Variants in PCDHA7 observed in about 807,000 individuals in gnomAD.
PCDHA7 encodes the protein protocadherin alpha 7.
In PCDHA7, 37 loss-of-function variants were observed where a neutral mutation model predicts 57.2. The ratio of observed to expected loss-of-function variants is 0.65; its 90% CI spans 0.50 to 0.85. The LOEUF (loss-of-function observed/expected upper bound fraction) is 0.85, where lower values mean the gene tolerates loss of function less well. Among genes scored for constraint, PCDHA7 ranks in the 40% least tolerant of loss-of-function variants. PCDHA7 has a pLI of 0.00. For synonymous variants in PCDHA7, 553 were observed against 558.8 expected (o/e 0.99, Z 0.15); for missense variants, 1,188 against 1,241.8 (o/e 0.96, Z 0.65).
In PCDHA7 at chr5:140,982,563, G is replaced by C; in HGVS notation, c.2503G>C (p.Glu835Gln). 3 of 1,614,072 alleles carry C rather than the reference G, an allele frequency of 1.9e-6. No homozygotes were observed. The highest frequency in any genetic ancestry group is 2.5e-6 in the Non-Finnish European group (3 of 1,179,960). The change falls in exon 3 of 4, where the codon GAA (glutamate) becomes CAA (glutamine). Residue 835 changes from glutamate (E) to glutamine (Q), a missense_variant and splice_region_variant. By Grantham distance (29) the Glu-to-Gln change is conservative (BLOSUM62 2). Transcript: ENST00000525929. Reference protein sequence around the residue: ...QWPTVSSATPEPEAGEVSPPV... With the variant: ...QWPTVSSATPQPEAGEVSPPV... Reference sequence around the variant, plus strand: ...GCCAACAGTATCCAGTGCAACACCAGGTAAAGAGCTGGGGTCTCTCCATTC... The same window carrying C: ...GCCAACAGTATCCAGTGCAACACCACGTAAAGAGCTGGGGTCTCTCCATTC...
At chr5:140,863,363 TG>T (rs1554158141) in intron 1 of PCDHA7, 2 of 1,206,158 alleles carry the variant, frequency 1.7e-6, no homozygotes, top group Non-Finnish European at 1.2e-6. Context: ...CTGCGGTGCT[TG>T]GCGCAGCTCA....
chr5:140,886,996 T>C (rs1554182808), intron 1 of PCDHA7, among the ~76,000 whole-genome samples: 1 of 152,182 alleles, frequency 6.6e-6, no homozygotes, highest in African/African-American at 2.4e-5. Flanking sequence ...AATTTCCAGT[T>C]GGTATCACTT....
In PCDHA7 at chr5:140,850,045, T is replaced by C. The variant is rs2150464931; in HGVS notation, c.2355+13307T>C. 3.1e-6 allele frequency: 5 copies of C among 1,596,208 alleles called. No homozygotes were observed. In the African/African-American group the frequency reaches 5.4e-5, roughly 17 times the overall value. On this transcript the variant is annotated intron_variant, in intron 1 of 3. Coordinates refer to ENST00000525929, the MANE Select transcript of PCDHA7 (RefSeq NM_018910.3). Reference sequence around the variant, plus strand: ...TCAGTGCACGCGGAGAGCGGCAAGGTGTACGCGCTGCAGCCGTTGGACCAC... The same window carrying C: ...TCAGTGCACGCGGAGAGCGGCAAGGCGTACGCGCTGCAGCCGTTGGACCAC...
At chr5:140,866,641 A>C (rs567516921) in intron 1 of PCDHA7, 3 of 152,226 alleles carry the variant, frequency 2.0e-5, no homozygotes, top group African/African-American at 2.4e-5. Flanking sequence ...ACGGTGTCAA[A>C]ATTTATTTAT....
At chr5:140,946,191 CAAAAG>C (rs2093900144) in intron 1 of PCDHA7, among the ~76,000 whole-genome samples, 1 of 151,950 alleles carries the variant, frequency 6.6e-6, no homozygotes, top group Non-Finnish European at 1.5e-5. Flanking sequence ...AGACATTTCT[CAAAAG>C]AAAGCACACA....
chr5:140,840,681 G>A (rs1776812728), intron 1 of PCDHA7, among the ~76,000 whole-genome samples: 1 of 152,038 alleles, frequency 6.6e-6, no homozygotes, highest in African/African-American at 2.4e-5. Flanking sequence ...TATTACTTTA[G>A]TAAATAAAAC....
intron 1 of PCDHA7, among the ~76,000 whole-genome samples, chr5:140,894,577 T>A (rs1409232453): frequency 4.6e-5 from 7 of 152,030 alleles, no homozygotes; most frequent in African/African-American, 9.6e-5. Flanking sequence ...TCCTTTTTTT[T>A]AATATTTTAC....
At chr5:140,940,349 C>T (rs1437069133) in intron 1 of PCDHA7, among the ~76,000 whole-genome samples, 14 of 152,156 alleles carry the variant, frequency 9.2e-5, no homozygotes, top group African/African-American at 2.9e-4. Flanking sequence ...GTGTGTCCAA[C>T]ATGCTATTAA....
chr5:140,968,094 A>G, intron 1 of PCDHA7: 1 of 1,614,138 alleles, frequency 6.2e-7, no homozygotes. Flanking sequence ...ACAGCCACAG[A>G]TGGGGGAATA....
At chr5:140,921,414 T>G (rs2080207969) in intron 1 of PCDHA7, among the ~76,000 whole-genome samples, 1 of 152,206 alleles carries the variant, frequency 6.6e-6, no homozygotes, top group Admixed American at 6.5e-5. Flanking sequence ...TCCTCTGTGC[T>G]GCAGACAAAA....
intron 1 of PCDHA7, chr5:140,849,963 G>T: frequency 6.3e-7 from 1 of 1,597,872 alleles, no homozygotes; most frequent in Middle Eastern, 1.9e-4. Flanking sequence ...GAACGCCCTG[G>T]TGTCCTACTC....
intron 1 of PCDHA7, among the ~76,000 whole-genome samples, chr5:140,844,310 T>G (rs1779318452): frequency 6.7e-6 from 1 of 149,666 alleles, no homozygotes. Context: ...TTTCATATTC[T>G]TCCTAATTTT....
chr5:140,884,497 C>T, intron 1 of PCDHA7: 1 of 1,614,042 alleles, frequency 6.2e-7, no homozygotes, highest in Non-Finnish European at 8.5e-7. Flanking sequence ...TGTGCTCCAG[C>T]GCGGCAGGGA....
intron 1 of PCDHA7, chr5:140,853,424 G>A (rs112620213): frequency 1.0e-6 from 1 of 985,928 alleles, no homozygotes; most frequent in African/African-American, 1.8e-5. Context: ...AAGCAGAAGA[G>A]ACACTTTCCT....
intron 1 of PCDHA7, chr5:140,857,871 A>G (rs2044971374): frequency 6.3e-7 from 1 of 1,597,628 alleles, no homozygotes. Flanking sequence ...TGGCTGTCGT[A>G]TGAATTGCAG....
intron 1 of PCDHA7, chr5:140,861,242 A>T (rs1554154320): frequency 6.0e-6 from 1 of 165,896 alleles, no homozygotes; most frequent in African/African-American, 2.4e-5. Context: ...TGCTAGACAA[A>T]GTGGCCAGGA....
chr5:140,851,370 T>C, intron 1 of PCDHA7: 2 of 979,252 alleles, frequency 2.0e-6, no homozygotes, highest in South Asian at 4.7e-5. Flanking sequence ...AACATCTGAT[T>C]GTTCAGCAAC....
At chr5:140,892,623 C>T (rs2153438758) in intron 1 of PCDHA7, among the ~76,000 whole-genome samples, 1 of 152,114 alleles carries the variant, frequency 6.6e-6, no homozygotes, top group East Asian at 1.9e-4. Flanking sequence ...CCAGTTGGTA[C>T]ATAATAATTG....
At chr5:140,937,788 T>C (rs2091751340) in intron 1 of PCDHA7, among the ~76,000 whole-genome samples, 1 of 149,320 alleles carries the variant, frequency 6.7e-6, no homozygotes, top group African/African-American at 2.5e-5. Flanking sequence ...GGCGGGCGTA[T>C]GTAGTCCCAG....
Sources: gnomAD v4.1 joint callset for allele counts (sites outside exome capture counted in the v4.1 genomes callset) on GRCh38, gnomAD v4.1.1 for gene constraint, MANE v1.5 for transcripts, NCBI Gene and HGNC (gene_info 2026-07-23, HGNC 2026-07-21) for gene names.